HDAC8: variants seen among roughly 807,000 people sequenced by gnomAD.
HDAC8 encodes histone deacetylase 8, also known as histone deacetylase-like 1.
HDAC8 carries 1 observed loss-of-function variant against 32.2 expected under a neutral mutation model. The observed-to-expected ratio is 0.03, with a 90% CI of 0.01 to 0.15. HDAC8 has a LOEUF of 0.15. Among genes scored for constraint, HDAC8 ranks in the 10% least tolerant of loss-of-function variants. The pLI is 1.00. For missense variants in HDAC8, 117 were observed against 300.0 expected, an observed-to-expected ratio of 0.39 and a Z score of 4.51; for synonymous variants, 108 against 113.9, an observed-to-expected ratio of 0.95 and a Z score of 0.33.
intron 9 of HDAC8, among the ~76,000 whole-genome samples, chrX:72,437,414 G>A (rs5958792): frequency 0.016 from 1,771 of 111,453 alleles, 11 homozygotes; most frequent in Middle Eastern, 0.037. Flanking sequence ...CTGGGCTGCC[G>A]TTTGGGCAGA....
chrX:72,571,800 C>A, intron 2 of HDAC8: 1 of 245,935 alleles, frequency 4.1e-6, no homozygotes, highest in East Asian at 7.6e-5. Flanking sequence ...AATTACTGAC[C>A]TCAGGCGATC....
intron 4 of HDAC8, among the ~76,000 whole-genome samples, chrX:72,562,523 C>CG (rs1304988003): frequency 2.7e-5 from 3 of 110,486 alleles, no homozygotes; most frequent in African/African-American, 9.9e-5. Context: ...TTTGGGGACT[C>CG]GGGGGAAAGG....
chrX:72,332,943 C>T (rs1555941119), intron 10 of HDAC8, among the ~76,000 whole-genome samples: 1 of 111,966 alleles, frequency 8.9e-6, no homozygotes, highest in African/African-American at 3.2e-5. Flanking sequence ...TGAGCCACTG[C>T]ACCCAGCCCT....
At chrX:72,345,111 C>T (rs1474220920) in intron 10 of HDAC8, among the ~76,000 whole-genome samples, 4 of 111,603 alleles carry the variant, frequency 3.6e-5, no homozygotes, top group Non-Finnish European at 7.5e-5. Context: ...ATGTCTTAAA[C>T]ACCTCGTATA....
chrX:72,525,403 G>A (rs1556031377), intron 4 of HDAC8, among the ~76,000 whole-genome samples: 1 of 110,817 alleles, frequency 9.0e-6, no homozygotes, highest in African/African-American at 3.3e-5. Context: ...CCAATCACAG[G>A]CCAGACCTTC....
At chrX:72,552,390 C>G (rs956500841) in intron 4 of HDAC8, among the ~76,000 whole-genome samples, 1 of 111,599 alleles carries the variant, frequency 9.0e-6, no homozygotes, top group Non-Finnish European at 1.9e-5. Flanking sequence ...GCAGGTAGGT[C>G]ACCTGAGGTC....
rs1349874321 is a variant in HDAC8 at position 72,511,067 on chromosome X, CTG to C, written c.438-15801_438-15800del. Among the ~76,000 whole-genome samples the C allele has an allele frequency of 3.6e-5, 4 of 111,472 alleles. No individual in the cohort carries two copies. The East Asian group carries it at 1.1e-3, about 31-fold the overall frequency. ...CAATAGAAGTCAGAGTACAGAAACA[CTG>C]TGTAACTTTTAGTGATAGCAAGATT... On this transcript the variant is annotated intron_variant, in intron 4 of 10. Coordinates refer to ENST00000373573, the MANE Select transcript of HDAC8 (RefSeq NM_018486.3).
intron 9 of HDAC8, among the ~76,000 whole-genome samples, chrX:72,399,035 T>A (rs1160743177): frequency 9.0e-6 from 1 of 111,371 alleles, no homozygotes; most frequent in Non-Finnish European, 1.9e-5. Flanking sequence ...ATTCCTGTCA[T>A]CATAACAATC....
chrX:72,446,347 A>G (rs1274834262), intron 9 of HDAC8, among the ~76,000 whole-genome samples: 6 of 112,074 alleles, frequency 5.4e-5, no homozygotes, highest in African/African-American at 1.9e-4. Context: ...ATGGAATACT[A>G]TGCAGCCATA....
intron 9 of HDAC8, among the ~76,000 whole-genome samples, chrX:72,461,635 A>T (rs1320482869): frequency 1.8e-5 from 2 of 111,222 alleles, no homozygotes; most frequent in Non-Finnish European, 3.8e-5. Context: ...GAAACTTCTT[A>T]AAAAAAAGAT....
In HDAC8 at chrX:72,436,494, G is replaced by A. The variant is rs782612296; in HGVS notation, c.1005+25510C>T. Among the ~76,000 whole-genome samples the A allele has an allele frequency of 1.2e-3, 134 of 110,992 alleles. 1 individual carries two copies. The highest frequency in any genetic ancestry group is 7.3e-3 in the South Asian group (19 of 2,593). On this transcript the variant is annotated intron_variant, in intron 9 of 10. Coordinates refer to ENST00000373573, the MANE Select transcript of HDAC8 (RefSeq NM_018486.3). The stretch of plus-strand genomic sequence containing the variant: ...TATACCCAGTGAAAATATCCTTCAG[G>A]AGTGAAAGGGAAATCAAGACATTCT...
intron 9 of HDAC8, among the ~76,000 whole-genome samples, chrX:72,403,954 A>G: frequency 9.0e-6 from 1 of 111,569 alleles, no homozygotes; most frequent in Non-Finnish European, 1.9e-5. Context: ...ACAAACCTGC[A>G]CATGTACCCC....
chrX:72,525,813 C>CAAAA (rs57801277), intron 4 of HDAC8, among the ~76,000 whole-genome samples: 387 of 21,516 alleles, frequency 0.018, 65 homozygotes, highest in African/African-American at 0.044. Context: ...GACTCTGTCT[C>CAAAA]AAAAAAAAAA....
chrX:72,567,597 T>A, intron 4 of HDAC8: 1 of 529,452 alleles, frequency 1.9e-6, no homozygotes, highest in Non-Finnish European at 3.1e-6. Flanking sequence ...GTATCCTTTG[T>A]TCATTTTATT....
At chrX:72,559,798 C>T (rs920529680) in intron 4 of HDAC8, among the ~76,000 whole-genome samples, 9 of 108,934 alleles carry the variant, frequency 8.3e-5, no homozygotes, top group African/African-American at 2.7e-4. Context: ...GCCCAGCAGC[C>T]GCCCGTCTGT....
At chrX:72,490,023 C>T (rs1200287585) in intron 6 of HDAC8, among the ~76,000 whole-genome samples, 1 of 111,742 alleles carries the variant, frequency 8.9e-6, no homozygotes, top group Non-Finnish European at 1.9e-5. Context: ...CACTGGCCAT[C>T]AGAGAAATGC....
intron 9 of HDAC8, among the ~76,000 whole-genome samples, chrX:72,402,380 C>A (rs1373677858): frequency 9.6e-6 from 1 of 104,090 alleles, no homozygotes; most frequent in Non-Finnish European, 2.0e-5. Flanking sequence ...TTATTTCCTC[C>A]TTCTGCCTGC....
chrX:72,498,868 G>A (rs1347991848), intron 4 of HDAC8, among the ~76,000 whole-genome samples: 1 of 111,489 alleles, frequency 9.0e-6, no homozygotes, highest in Admixed American at 9.6e-5. Flanking sequence ...TTGATCCCCA[G>A]TGTTGGAGGT....
chrX:72,377,116 A>T (rs1661220590), intron 9 of HDAC8: 1 of 111,497 alleles, frequency 9.0e-6, no homozygotes, highest in South Asian at 3.8e-4. Flanking sequence ...TCAGATATTA[A>T]ACTGATAAGG....
Sources: gnomAD v4.1 joint callset for allele counts (sites outside exome capture counted in the v4.1 genomes callset) on GRCh38, gnomAD v4.1.1 for gene constraint, MANE v1.5 for transcripts, NCBI Gene and HGNC (gene_info 2026-07-23, HGNC 2026-07-21) for gene names.